FAF2: variants seen among roughly 807,000 people sequenced by gnomAD.
FAF2 encodes FAS-associated factor 2.
Under a neutral mutation model 62.3 loss-of-function variants are expected in FAF2, and 9 were observed. That is an observed-to-expected ratio of 0.14 (90% CI 0.09 to 0.25). The LOEUF (loss-of-function observed/expected upper bound fraction) is 0.25, where lower values mean the gene tolerates loss of function less well. FAF2 is among the 10% of genes least tolerant of loss of function. The probability of loss-of-function intolerance (pLI) is 1.00; values close to 1 mark genes in which losing one functional copy is unlikely to be tolerated. For synonymous variants in FAF2, 202 were observed against 198.0 expected, an observed-to-expected ratio of 1.02 and a Z score of -0.17; for missense variants, 368 against 556.2, an observed-to-expected ratio of 0.66 and a Z score of 3.40.
chr5:176,470,310 A>G (rs2963661), intron 1 of FAF2, among the ~76,000 whole-genome samples: 125,939 of 152,272 alleles, frequency 0.83, 52,227 homozygotes, highest in African/African-American at 0.9. Context: ...GGGTGCGGTG[A>G]CTCACGCCTA....
intron 2 of FAF2, among the ~76,000 whole-genome samples, chr5:176,483,066 T>G (rs1288786726): frequency 6.6e-6 from 1 of 151,664 alleles, no homozygotes; most frequent in Non-Finnish European, 1.5e-5. Flanking sequence ...TTTATTTTAT[T>G]TTTTTTGAGA....
intron 10 of FAF2, among the ~76,000 whole-genome samples, chr5:176,505,668 G>A (rs899224286): frequency 6.6e-6 from 1 of 152,016 alleles, no homozygotes; most frequent in African/African-American, 2.4e-5. Flanking sequence ...TTTTGCCTTT[G>A]CGTCCTCATA....
intron 1 of FAF2, among the ~76,000 whole-genome samples, chr5:176,476,462 G>A (rs528570284): frequency 6.6e-6 from 1 of 152,120 alleles, no homozygotes; most frequent in Admixed American, 6.6e-5. Context: ...ATTGTTCCCT[G>A]CTCTCAGAGA....
intron 1 of FAF2, among the ~76,000 whole-genome samples, chr5:176,461,430 A>C (rs1758375503): frequency 6.9e-6 from 1 of 145,710 alleles, no homozygotes; most frequent in Admixed American, 7.2e-5. Context: ...TGATCCTACC[A>C]CTTCAGCCTC....
intron 1 of FAF2, among the ~76,000 whole-genome samples, chr5:176,465,809 A>G (rs1758457971): frequency 6.6e-6 from 1 of 152,202 alleles, no homozygotes; most frequent in African/African-American, 2.4e-5. Context: ...GTGAACCGAG[A>G]TCGTGCCACT....
At chr5:176,464,856 T>G (rs1408229804) in intron 1 of FAF2, among the ~76,000 whole-genome samples, 1 of 152,128 alleles carries the variant, frequency 6.6e-6, no homozygotes, top group Non-Finnish European at 1.5e-5. Flanking sequence ...TGCAGATTTC[T>G]AAAAGGGGTA....
intron 1 of FAF2, among the ~76,000 whole-genome samples, chr5:176,461,538 G>T (rs953442898): frequency 6.6e-6 from 1 of 151,076 alleles, no homozygotes; most frequent in Admixed American, 6.6e-5. Context: ...GTGTTGCCCA[G>T]CCTGGTCTTG....
chr5:176,499,448 C>T (rs1755554399), intron 9 of FAF2, among the ~76,000 whole-genome samples: 1 of 152,056 alleles, frequency 6.6e-6, no homozygotes, highest in African/African-American at 2.4e-5. Flanking sequence ...TTCTTAATAC[C>T]AGTATTAGCT....
intron 2 of FAF2, among the ~76,000 whole-genome samples, 156 bp downstream of exon 2, chr5:176,479,412 G>A (rs1758755172): frequency 6.6e-6 from 1 of 152,136 alleles, no homozygotes; most frequent in Non-Finnish European, 1.5e-5. Context: ...ATGTGAGAAA[G>A]TTTATAAAAT....
Position 176,494,258 on chromosome 5 carries a change from A to G in FAF2, c.644A>G (p.Lys215Arg), listed in dbSNP as rs1347543264. 1 of 1,613,238 alleles carries G rather than the reference A, an allele frequency of 6.2e-7. No individual in the cohort carries two copies. Among genetic ancestry groups the G allele is most frequent in the Admixed American group, 1.7e-5 (1 of 60,016 alleles). The stretch of plus-strand genomic sequence containing the variant: ...CTCTTCTGGGCATGCTCTACAAACA[A>G]ACCTGAGGGATACAGGGGTAAGTTA... ...RMLFWACSTN[K>R]PEGYRVSQAL... is the part of the protein sequence containing the mutation. Residue 215 changes from lysine to arginine, a missense_variant, in exon 7 of 11, where the codon AAA becomes AGA. This residue lies in a region of FAF2 where 331 missense variants were observed against 441.9 expected (regional missense o/e 0.75). Transcript: ENST00000261942. The surrounding 1 kb of genome is among the most constrained non-coding windows in gnomAD (Gnocchi z 4.0).
chr5:176,479,095 TA>T (rs1758748322), intron 1 of FAF2, 92 bp from the exon 2 acceptor site: 1 of 959,258 alleles, frequency 1.0e-6, no homozygotes, highest in Admixed American at 1.7e-5. Context: ...TAACATTTTT[TA>T]GTGTATTTTC....
intron 1 of FAF2, among the ~76,000 whole-genome samples, chr5:176,474,914 G>A (rs1758660595): frequency 6.6e-6 from 1 of 152,186 alleles, no homozygotes; most frequent in South Asian, 2.1e-4. Context: ...ATATATGAAT[G>A]AATAATCCTG....
chr5:176,473,371 A>ACCCATAC (rs1758606912), intron 1 of FAF2, among the ~76,000 whole-genome samples: 1 of 152,134 alleles, frequency 6.6e-6, no homozygotes, highest in Non-Finnish European at 1.5e-5. Flanking sequence ...TTTTGGCAGG[A>ACCCATAC]AGATTACAGA....
rs1158074201 is a variant in FAF2, at chr5:176,498,941, G to A, written c.867G>A (p.Leu289=). The A allele has an allele frequency of 6.2e-7, 1 of 1,605,620 alleles. No homozygotes were observed. Among genetic ancestry groups the A allele is most frequent in the East Asian group, 2.2e-5 (1 of 44,846 alleles). The change falls in exon 9 of 11, where the codon CTG becomes CTA. Residue 289 remains leucine, a synonymous_variant. Transcript: ENST00000261942. ...AAGAAAGAAACCAGACCCAAGTGCT[G>A]AGACAACAGCAGGATGAGGCCTACC... ...EREERNQTQV[L]RQQQDEAYLA...
At chr5:176,495,082 G>C (rs1198319526) in intron 7 of FAF2, among the ~76,000 whole-genome samples, 1 of 152,202 alleles carries the variant, frequency 6.6e-6, no homozygotes, top group East Asian at 1.9e-4. Context: ...TATGGATTTG[G>C]AAAGTTCAGA....
chr5:176,461,873 C>G (rs991700118), intron 1 of FAF2, among the ~76,000 whole-genome samples: 2 of 152,064 alleles, frequency 1.3e-5, no homozygotes, highest in African/African-American at 4.8e-5. Context: ...AATTCTTTGC[C>G]AAGACCAATG....
chr5:176,506,453 A>G (rs1300129225), intron 10 of FAF2, among the ~76,000 whole-genome samples: 3 of 152,190 alleles, frequency 2.0e-5, no homozygotes, highest in South Asian at 4.1e-4. Context: ...TAAGTGTCCT[A>G]TACTTCCAAC....
intron 8 of FAF2, among the ~76,000 whole-genome samples, chr5:176,498,217 T>C (rs1354571271): frequency 2.0e-5 from 3 of 152,224 alleles, no homozygotes; most frequent in Admixed American, 6.5e-5. Context: ...ACAGGAAACT[T>C]TCCGAGGTAA....
At position 176,494,589 on chromosome 5, in the gene FAF2, C is replaced by T. The variant is rs1759032313; in HGVS notation, c.661+314C>T. Among the ~76,000 whole-genome samples, 1 of 152,020 alleles carries T rather than the reference C, an allele frequency of 6.6e-6. No homozygotes were observed. The highest frequency in any genetic ancestry group is 2.1e-4 in the South Asian group (1 of 4,812). On this transcript the variant is annotated intron_variant, in intron 7 of 10. Transcript: ENST00000261942. The surrounding 1 kb of genome is among the most constrained non-coding windows in gnomAD (Gnocchi z 4.0). ...AATTTTTTTGAGATGGAGTCTTGCT[C>T]TGTCGCCCAGGCTGGAGTGCAGTGG...
Sources: allele counts gnomAD v4.1 joint callset (sites outside exome capture counted in the v4.1 genomes callset), GRCh38; gene constraint gnomAD v4.1.1; regional missense constraint gnomAD v4.1.1; non-coding constraint Gnocchi (gnomAD v3.1); transcripts MANE v1.5; gene names NCBI Gene and HGNC (gene_info 2026-07-23, HGNC 2026-07-21).